The following KPNA1 variants were observed in gnomAD, a reference collection of about 807,000 sequenced individuals.
KPNA1 encodes the protein importin subunit alpha-5.
A neutral mutation model predicts 70.5 loss-of-function variants in KPNA1; 10 were observed. That is an observed-to-expected ratio of 0.14 (90% CI 0.09 to 0.24). KPNA1 has a LOEUF of 0.24. Ranked by LOEUF, KPNA1 falls within the 10% of genes least tolerant of loss-of-function variation. The pLI is 1.00. For missense variants in KPNA1, 397 were observed against 637.9 expected (o/e 0.62, Z 4.07); for synonymous variants, 192 against 221.9 (o/e 0.87, Z 1.20).
rs974305909 is a variant in KPNA1 at position 122,470,571 on chromosome 3, A to T, written c.130-3142T>A. Among the ~76,000 whole-genome samples the T allele has an allele frequency of 1.2e-4, 19 of 152,086 alleles. No individual in the cohort carries two copies. The South Asian group carries it at 2.5e-3, about 20-fold the overall frequency. ...AAATAAAAATTTTTAAAAAAAGTTA[A>T]ATGAGTTAACAGCAATGATACAAGG... On this transcript the variant is annotated intron_variant, in intron 2 of 13. Coordinates refer to ENST00000344337, the MANE Select transcript of KPNA1 (RefSeq NM_002264.4).
chr3:122,492,078 T>A (rs1031017119), intron 2 of KPNA1, among the ~76,000 whole-genome samples: 2 of 151,794 alleles, frequency 1.3e-5, no homozygotes, highest in Non-Finnish European at 2.9e-5. Flanking sequence ...GCCAGGATGG[T>A]CTCGATCTCC....
chr3:122,510,139 G>A (rs948739090), intron 1 of KPNA1, among the ~76,000 whole-genome samples: 4 of 152,150 alleles, frequency 2.6e-5, no homozygotes, highest in Non-Finnish European at 4.4e-5. Flanking sequence ...GATCAAATGC[G>A]AAGGAAGAAT....
rs935950156 is a variant in KPNA1 at position 122,460,155 on chromosome 3, G to C, written c.432+1069C>G. The C allele has an allele frequency of 3.0e-6, 3 of 984,932 alleles. No individual in the cohort carries two copies. In the African/African-American group the frequency reaches 5.2e-5, roughly 17 times the overall value. 61.0% of individuals were successfully genotyped at this position (984,932 alleles called of 1,614,324 possible). ...CAAGCCTTTGAGATTAGATCCTACA[G>C]GTGAGAATTTAGGGATCACATGTAT... is the stretch of plus-strand genomic sequence containing the variant. On this transcript the variant is annotated intron_variant, in intron 5 of 13. Coordinates refer to ENST00000344337, the MANE Select transcript of KPNA1 (RefSeq NM_002264.4).
chr3:122,504,218 G>T (rs2076862665), intron 1 of KPNA1, among the ~76,000 whole-genome samples: 1 of 152,148 alleles, frequency 6.6e-6, no homozygotes. Context: ...ATTTCTCACA[G>T]TTCTAGAGGC....
intron 2 of KPNA1, among the ~76,000 whole-genome samples, chr3:122,481,602 G>A (rs2076571533): frequency 6.6e-6 from 1 of 152,142 alleles, no homozygotes; most frequent in Non-Finnish European, 1.5e-5. Context: ...AATTGGTTGT[G>A]GTGAAGTACT....
intron 2 of KPNA1, among the ~76,000 whole-genome samples, chr3:122,484,839 A>T (rs1307434407): frequency 6.6e-6 from 1 of 152,130 alleles, no homozygotes; most frequent in Non-Finnish European, 1.5e-5. Flanking sequence ...TTCATGTACA[A>T]ACTGAATAGC....
At chr3:122,511,349 T>C (rs922069498) in intron 1 of KPNA1, among the ~76,000 whole-genome samples, 4 of 152,222 alleles carry the variant, frequency 2.6e-5, no homozygotes, top group African/African-American at 9.7e-5. Flanking sequence ...TATCTTTGTA[T>C]ATGAAGGGCA....
intron 2 of KPNA1, among the ~76,000 whole-genome samples, chr3:122,468,196 C>T (rs1306184521): frequency 6.6e-6 from 1 of 152,188 alleles, no homozygotes; most frequent in Non-Finnish European, 1.5e-5. Flanking sequence ...AGCCCCAATA[C>T]TGCCTCAGAT....
At position 122,458,224 on chromosome 3, in the gene KPNA1, G is replaced by C. The variant is rs897255316; in HGVS notation, c.432+3000C>G. On this transcript the variant is annotated intron_variant, in intron 5 of 13. Transcript: ENST00000344337. ...AGGACAGCACAAAGATACTGGGCCT[G>C]GACTCAAAGAAGCAAAAAAGTAGGC... Among the ~76,000 whole-genome samples the C allele has an allele frequency of 3.9e-5, 6 of 152,288 alleles. No homozygotes were observed. In the East Asian group the frequency reaches 7.7e-4, roughly 20 times the overall value.
Position 122,466,455 on chromosome 3 carries a change from C to CTG in KPNA1, c.237+865_237+866dup, listed in dbSNP as rs77100384. On this transcript the variant is annotated intron_variant, in intron 3 of 13. Transcript: ENST00000344337. ...GGAGATAATTTTCTTTTTAAAAAAA[C>CTG]TGTGTGTGTGTACACATATATATAT... 4.6e-5 allele frequency among the ~76,000 whole-genome samples: 7 copies of CTG among 151,432 alleles called. No homozygotes were observed. In the East Asian group the frequency reaches 1.2e-3, roughly 25 times the overall value.
At position 122,452,698 on chromosome 3, in the gene KPNA1, A is replaced by G. The variant is rs879661490; in HGVS notation, c.565-634T>C. Among the ~76,000 whole-genome samples, 449 of 79,430 alleles carry G rather than the reference A, an allele frequency of 5.7e-3. 2 individuals are homozygous for G. The highest frequency in any genetic ancestry group is 0.017 in the Admixed American group (126 of 7,596). 52.1% of individuals were successfully genotyped at this position (79,430 alleles called of 152,430 possible). A position where few individuals can be genotyped will look rare whatever the true frequency, so the allele number is the denominator to read the frequency against. ...AGGAGGGAAGGAGGGAGGGAGGGAG[A>G]GACGGAGAGACGGAGGGAAGGAGGG... On this transcript the variant is annotated intron_variant, in intron 6 of 13. Transcript: ENST00000344337.
intron 1 of KPNA1, among the ~76,000 whole-genome samples, chr3:122,505,343 G>A (rs1009202111): frequency 6.7e-6 from 1 of 149,544 alleles, no homozygotes; most frequent in African/African-American, 2.5e-5. Flanking sequence ...CACTATAGTA[G>A]AGCAAAAGTT....
intron 8 of KPNA1, among the ~76,000 whole-genome samples, chr3:122,450,438 C>T (rs1011312009): frequency 1.3e-5 from 2 of 151,846 alleles, no homozygotes; most frequent in African/African-American, 4.8e-5. Flanking sequence ...AAAAATTAGC[C>T]GGGTGTGGTG....
Position 122,453,932 on chromosome 3 carries a change from C to T in KPNA1, c.502G>A (p.Ala168Thr), listed in dbSNP as rs1367853255. The T allele has an allele frequency of 1.2e-6, 2 of 1,613,320 alleles. No homozygotes were observed. Among genetic ancestry groups the T allele is most frequent in the Non-Finnish European group, 8.5e-7 (1 of 1,179,412 alleles). ...TCTATGAAGATGGGCACAGCTCCTG[C>T]CTGAATCACAATTCGGGTCTGAAGA... ...NSLQTRIVIQAGAVPIFIELL... is the reference protein window; with the variant it reads ...NSLQTRIVIQTGAVPIFIELL... The change falls in exon 6 of 14, where the codon GCA (alanine) becomes ACA (threonine). Residue 168 changes from alanine to threonine, a missense_variant. By Grantham distance (58) the Ala-to-Thr change is moderately conservative. Transcript: ENST00000344337.
At chr3:122,498,576 TTTC>T (rs1160389738) in intron 1 of KPNA1, among the ~76,000 whole-genome samples, 7 of 152,218 alleles carry the variant, frequency 4.6e-5, no homozygotes, top group African/African-American at 1.7e-4. Context: ...TATAGTTTAA[TTTC>T]TTGACATTCA....
intron 2 of KPNA1, among the ~76,000 whole-genome samples, chr3:122,487,336 T>C (rs765714164): frequency 1.3e-5 from 2 of 152,336 alleles, no homozygotes; most frequent in South Asian, 4.2e-4. Context: ...GTACCCACTA[T>C]GAAAAACAGT....
chr3:122,507,480 A>G (rs917175336), intron 1 of KPNA1, among the ~76,000 whole-genome samples: 2 of 151,990 alleles, frequency 1.3e-5, no homozygotes, highest in Non-Finnish European at 1.5e-5. Context: ...TCAGCATATA[A>G]AATTTGAATA....
At chr3:122,489,253 A>C (rs2076668183) in intron 2 of KPNA1, among the ~76,000 whole-genome samples, 1 of 150,828 alleles carries the variant, frequency 6.6e-6, no homozygotes, top group Non-Finnish European at 1.5e-5. Flanking sequence ...AGGAGTTCAA[A>C]TTGAGTCTTT....
At chr3:122,482,941 GC>G (rs2107482328) in intron 2 of KPNA1, 1 of 152,516 alleles carries the variant, frequency 6.6e-6, no homozygotes, top group Admixed American at 6.5e-5. Flanking sequence ...AGGCAGCCTA[GC>G]TTCACCAAGG....
Sources: gnomAD v4.1 joint callset for allele counts (sites outside exome capture counted in the v4.1 genomes callset) on GRCh38, gnomAD v4.1.1 for gene constraint, MANE v1.5 for transcripts, NCBI Gene and HGNC (gene_info 2026-07-23, HGNC 2026-07-21) for gene names.